The following MAST4 variants were observed in gnomAD, a reference collection of about 807,000 sequenced individuals.
MAST4 encodes microtubule associated serine/threonine kinase family member 4.
A neutral mutation model predicts 162.7 loss-of-function variants in MAST4; 89 were observed. That is an observed-to-expected ratio of 0.55 (90% confidence interval 0.46 to 0.65). The LOEUF (loss-of-function observed/expected upper bound fraction) is 0.65, where lower values mean the gene tolerates loss of function less well. MAST4 is among the 30% of genes least tolerant of loss of function. MAST4 has a pLI of 0.00. For missense variants in MAST4, 3,153 were observed against 3,374.0 expected, an observed-to-expected ratio of 0.93 and a Z score of 1.62; for synonymous variants, 1,479 against 1,361.1, an observed-to-expected ratio of 1.09 and a Z score of -1.91.
intron 8 of MAST4, among the ~76,000 whole-genome samples, chr5:67,101,230 T>A (rs920077576): frequency 6.6e-6 from 1 of 152,168 alleles, no homozygotes; most frequent in Non-Finnish European, 1.5e-5. Flanking sequence ...AGAGGCAGGA[T>A]TGGACAGAGG....
chr5:66,690,511 T>C (rs192449794), intron 1 of MAST4, among the ~76,000 whole-genome samples: 1 of 152,142 alleles, frequency 6.6e-6, no homozygotes, highest in Admixed American at 6.6e-5. Context: ...TGGCTAGCAG[T>C]TTTTGGAAGA....
chr5:67,125,174 T>C (rs891539636), intron 14 of MAST4, among the ~76,000 whole-genome samples: 1 of 152,142 alleles, frequency 6.6e-6, no homozygotes, highest in African/African-American at 2.4e-5. Context: ...TACTGGTTTC[T>C]CCCTGTCAGT....
Position 66,766,613 on chromosome 5 carries a change from A to G in MAST4, c.517+6751A>G, listed in dbSNP as rs569020213. ...AAGCTATTGCTTTTAATTACTCTGT[A>G]GTACCCAATGGGTTTCTCATCCTAA... On this transcript the variant is annotated intron_variant, in intron 2 of 28. Coordinates refer to ENST00000403625, the MANE Select transcript of MAST4 (RefSeq NM_001164664.2). Among the ~76,000 whole-genome samples the G allele has an allele frequency of 8.5e-5, 13 of 152,236 alleles. No individual in the cohort carries two copies. The East Asian group carries it at 2.3e-3, about 27-fold the overall frequency.
chr5:67,039,875 A>T (rs949881107), intron 4 of MAST4, among the ~76,000 whole-genome samples: 1 of 152,184 alleles, frequency 6.6e-6, no homozygotes, highest in Admixed American at 6.6e-5. Flanking sequence ...TAAGTGCAAC[A>T]GAAGAATCTA....
intron 24 of MAST4, among the ~76,000 whole-genome samples, chr5:67,151,236 G>T (rs1338104582): frequency 6.6e-6 from 1 of 152,218 alleles, no homozygotes; most frequent in Non-Finnish European, 1.5e-5. Context: ...ATAAATAACA[G>T]AATTTGTTGA....
chr5:67,114,382 T>C (rs1191136952), intron 12 of MAST4, 163 bp downstream of exon 12: 3 of 821,100 alleles, frequency 3.7e-6, no homozygotes, highest in Non-Finnish European at 5.5e-6. Flanking sequence ...AGCCATAAAA[T>C]GGGTCCTGAG....
At chr5:66,608,453 TGAATTC>T (rs1743052828) in intron 1 of MAST4, among the ~76,000 whole-genome samples, 1 of 146,676 alleles carries the variant, frequency 6.8e-6, no homozygotes, top group African/African-American at 2.5e-5. Flanking sequence ...TCCTTACTCA[TGAATTC>T]TACCTTTCAG....
At chr5:67,099,109 A>G (rs572008961) in intron 7 of MAST4, among the ~76,000 whole-genome samples, 6 of 151,936 alleles carry the variant, frequency 3.9e-5, no homozygotes, top group African/African-American at 9.7e-5. Flanking sequence ...CTGTTTGTCT[A>G]TTTGCTAATT....
intron 11 of MAST4, 119 bp from the exon 12 acceptor site, chr5:67,113,968 T>G (rs1766574299): frequency 1.8e-6 from 2 of 1,108,888 alleles, no homozygotes; most frequent in Non-Finnish European, 2.6e-6. Flanking sequence ...GCCTCCTTTC[T>G]GCATAAGTAA....
intron 3 of MAST4, among the ~76,000 whole-genome samples, chr5:66,801,872 G>A (rs191736894): frequency 2.8e-4 from 42 of 152,254 alleles, no homozygotes; most frequent in African/African-American, 1.0e-3. Context: ...TTTTCCAGAT[G>A]TAAGACATTC....
Position 66,978,839 on chromosome 5 carries a change from G to A in MAST4, c.675-75565G>A, listed in dbSNP as rs141876301. On this transcript the variant is annotated intron_variant, in intron 4 of 28. Transcript: ENST00000403625. ...TGCTAGTCTTGAGCTTTCTTTTTTCGGTGTAGGACATGTCTGGAGGTTTTT... is the reference window on the plus strand; with the variant it reads ...TGCTAGTCTTGAGCTTTCTTTTTTCAGTGTAGGACATGTCTGGAGGTTTTT... Among the ~76,000 whole-genome samples, 1,018 of 152,200 alleles carry A rather than the reference G, an allele frequency of 6.7e-3. 11 individuals are homozygous for A. The highest frequency in any genetic ancestry group is 0.023 in the African/African-American group (953 of 41,518).
chr5:66,643,709 C>T (rs1317578050), intron 1 of MAST4, among the ~76,000 whole-genome samples: 5 of 151,870 alleles, frequency 3.3e-5, no homozygotes, highest in African/African-American at 1.2e-4. Flanking sequence ...TTTTAAACAT[C>T]ATACTCCTCT....
chr5:67,123,835 T>A (rs985927148), intron 14 of MAST4, among the ~76,000 whole-genome samples: 1 of 152,220 alleles, frequency 6.6e-6, no homozygotes, highest in Non-Finnish European at 1.5e-5. Flanking sequence ...GATTCTCTTT[T>A]ACCTGTGAAG....
At chr5:66,821,711 C>T (rs994463291) in intron 3 of MAST4, among the ~76,000 whole-genome samples, 1 of 152,176 alleles carries the variant, frequency 6.6e-6, no homozygotes, top group African/African-American at 2.4e-5. Flanking sequence ...ATGTGAGGCT[C>T]AGCTCATCAC....
intron 1 of MAST4, among the ~76,000 whole-genome samples, chr5:66,683,268 C>T (rs577134394): frequency 6.6e-6 from 1 of 152,326 alleles, no homozygotes; most frequent in East Asian, 1.9e-4. Context: ...TAGGTTGAAG[C>T]AAGAATACCA....
At chr5:66,677,681 T>A (rs1748040750) in intron 1 of MAST4, among the ~76,000 whole-genome samples, 1 of 152,154 alleles carries the variant, frequency 6.6e-6, no homozygotes, top group Admixed American at 6.5e-5. Context: ...GTTTGAGGAA[T>A]GTTCCCGAAG....
At chr5:66,873,999 G>C (rs565284253) in intron 3 of MAST4, among the ~76,000 whole-genome samples, 2 of 152,256 alleles carry the variant, frequency 1.3e-5, no homozygotes, top group South Asian at 4.1e-4. Context: ...TTTTTAGCCT[G>C]ATTTTTTTCT....
At chr5:66,759,892 G>T in intron 2 of MAST4, 30 bp downstream of exon 2, 1 of 1,611,406 alleles carries the variant, frequency 6.2e-7, no homozygotes, top group Non-Finnish European at 8.5e-7. Flanking sequence ...ATGAGAGAAG[G>T]AATTGCATTT....
chr5:67,137,058 A>G (rs1297209694), intron 19 of MAST4, among the ~76,000 whole-genome samples: 2 of 152,208 alleles, frequency 1.3e-5, no homozygotes, highest in Non-Finnish European at 2.9e-5. Flanking sequence ...TTTTGTCTTT[A>G]AATATACATC....
Sources: gnomAD v4.1 joint callset for allele counts (sites outside exome capture counted in the v4.1 genomes callset) on GRCh38, gnomAD v4.1.1 for gene constraint, MANE v1.5 for transcripts, NCBI Gene and HGNC (gene_info 2026-07-23, HGNC 2026-07-21) for gene names.